CSMD3: variants seen among roughly 807,000 people sequenced by gnomAD.
The protein encoded by CSMD3 is CUB and Sushi multiple domains 3.
Under a neutral mutation model 435.2 loss-of-function variants are expected in CSMD3, and 177 were observed. The ratio of observed to expected loss-of-function variants is 0.41; its 90% CI spans 0.36 to 0.46. CSMD3 has a LOEUF of 0.46. CSMD3 is among the 20% of genes least tolerant of loss of function. The pLI is 0.34. For missense variants in CSMD3, 4,265 were observed against 4,504.6 expected (o/e 0.95, Z 1.52); for synonymous variants, 1,656 against 1,520.5 (o/e 1.09, Z -2.07).
chr8:112,689,860 G>T lies in CSMD3; in HGVS notation c.2155+8C>A, dbSNP rs2131823460. On this transcript the variant is annotated splice_region_variant and intron_variant, in intron 14 of 70. Coordinates refer to ENST00000297405, the MANE Select transcript of CSMD3 (RefSeq NM_198123.2). ...ATGCTATCTGGAAGCAAAGCATTTG[G>T]TACTCACAGATACAGATGGGTATGT... is the stretch of plus-strand genomic sequence containing the variant. The T allele has an allele frequency of 6.2e-7, 1 of 1,609,418 alleles. No individual in the cohort carries two copies. Among genetic ancestry groups the T allele is most frequent in the Non-Finnish European group, 8.5e-7 (1 of 1,175,980 alleles).
intron 7 of CSMD3, among the ~76,000 whole-genome samples, chr8:112,969,393 TTAAAC>T (rs1180381804): frequency 2.0e-5 from 3 of 152,002 alleles, no homozygotes; most frequent in South Asian, 2.1e-4. Flanking sequence ...TTAAAAACTG[TTAAAC>T]TAGAGTTTCT....
intron 3 of CSMD3, among the ~76,000 whole-genome samples, chr8:113,240,284 T>C (rs1217625684): frequency 6.6e-6 from 1 of 152,168 alleles, no homozygotes; most frequent in African/African-American, 2.4e-5. Context: ...TGATTCCATG[T>C]CTTTGCTGTT....
At chr8:113,180,020 T>C (rs1303742185) in intron 3 of CSMD3, among the ~76,000 whole-genome samples, 1 of 151,942 alleles carries the variant, frequency 6.6e-6, no homozygotes, top group African/African-American at 2.4e-5. Context: ...CAGAATTGCA[T>C]AATTATTCAG....
intron 14 of CSMD3, among the ~76,000 whole-genome samples, chr8:112,687,527 A>T (rs1338689085): frequency 2.0e-5 from 3 of 152,166 alleles, no homozygotes; most frequent in Admixed American, 6.6e-5. Flanking sequence ...TAACATTCAG[A>T]CATTATACCA....
intron 22 of CSMD3, among the ~76,000 whole-genome samples, chr8:112,607,941 A>G (rs550344169): frequency 6.6e-6 from 1 of 152,246 alleles, no homozygotes; most frequent in African/African-American, 2.4e-5. Context: ...CATAGCACTG[A>G]AAGTTCTAGC....
chr8:112,777,291 T>A (rs537896905), intron 13 of CSMD3, among the ~76,000 whole-genome samples: 4 of 152,000 alleles, frequency 2.6e-5, no homozygotes, highest in African/African-American at 9.6e-5. Context: ...GTAGTATGTT[T>A]AATGTAAATA....
intron 5 of CSMD3, among the ~76,000 whole-genome samples, chr8:113,052,438 A>G (rs1355928830): frequency 6.6e-6 from 1 of 152,208 alleles, no homozygotes; most frequent in African/African-American, 2.4e-5. Context: ...CAATTCTGCA[A>G]ATATGCTTAC....
chr8:113,049,913 G>T (rs929604573), intron 5 of CSMD3, among the ~76,000 whole-genome samples: 1 of 152,062 alleles, frequency 6.6e-6, no homozygotes, highest in African/African-American at 2.4e-5. Context: ...ATTGCAGAAT[G>T]TGTCTTATGG....
At position 112,682,519 on chromosome 8, in the gene CSMD3, G is replaced by A. The variant is rs764711881; in HGVS notation, c.2600C>T (p.Thr867Ile). The change falls in exon 16 of 71, where the codon ACC becomes ATC. Residue 867 changes from threonine (T) to isoleucine (I), a missense_variant. This residue lies in a region of CSMD3 where 279 missense variants were observed against 369.0 expected (regional missense o/e 0.76). Coordinates refer to ENST00000297405, the MANE Select transcript of CSMD3 (RefSeq NM_198123.2). ...ACATGTAATTGTTTCTGTTCCCTGG[G>A]TTTTAATAAATCCTTCTTCACAAAT... ...SVICEEGFIK[T>I]QGTETITCIL... is the part of the protein sequence containing the mutation. 6.2e-7 allele frequency: 1 copy of A among 1,613,512 alleles called. No homozygotes were observed. Among genetic ancestry groups the A allele is most frequent in the Admixed American group, 1.7e-5 (1 of 59,996 alleles).
chr8:112,764,703 C>T (rs1048320861), intron 13 of CSMD3, among the ~76,000 whole-genome samples: 1 of 151,542 alleles, frequency 6.6e-6, no homozygotes, highest in Non-Finnish European at 1.5e-5. Flanking sequence ...AATACATACT[C>T]ATTTTTTAAG....
intron 64 of CSMD3, among the ~76,000 whole-genome samples, chr8:112,245,757 C>T (rs919518628): frequency 2.6e-5 from 4 of 152,106 alleles, no homozygotes; most frequent in South Asian, 4.2e-4. Context: ...AGGCTGGTCT[C>T]GAACTCCTGA....
intron 4 of CSMD3, among the ~76,000 whole-genome samples, chr8:113,117,690 T>C (rs891693611): frequency 2.6e-5 from 4 of 152,282 alleles, no homozygotes; most frequent in South Asian, 2.1e-4. Context: ...AGAGGTGTTG[T>C]ACACTACAAA....
At chr8:113,348,249 T>G (rs1205840949) in intron 1 of CSMD3, among the ~76,000 whole-genome samples, 1 of 152,178 alleles carries the variant, frequency 6.6e-6, no homozygotes, top group Non-Finnish European at 1.5e-5. Flanking sequence ...TGACATGCAT[T>G]GTCTTCATAA....
intron 3 of CSMD3, among the ~76,000 whole-genome samples, chr8:113,233,807 A>C (rs1195001839): frequency 6.6e-6 from 1 of 152,060 alleles, no homozygotes; most frequent in Non-Finnish European, 1.5e-5. Context: ...TTTTTTACTA[A>C]GATTTTACTC....
intron 45 of CSMD3, among the ~76,000 whole-genome samples, chr8:112,330,131 G>A (rs1823894679): frequency 6.6e-6 from 1 of 152,110 alleles, no homozygotes; most frequent in South Asian, 2.1e-4. Context: ...TATAAAGCAT[G>A]TCCTTACATC....
chr8:113,329,161 A>G (rs1233319832), intron 1 of CSMD3, among the ~76,000 whole-genome samples: 1 of 151,726 alleles, frequency 6.6e-6, no homozygotes, highest in East Asian at 1.9e-4. Flanking sequence ...GACATATATG[A>G]CAAAGATTTT....
chr8:112,734,693 G>A (rs2077148564), intron 13 of CSMD3, among the ~76,000 whole-genome samples: 1 of 151,896 alleles, frequency 6.6e-6, no homozygotes, highest in South Asian at 2.1e-4. Context: ...TGCATGAACT[G>A]AAATTCCACT....
intron 23 of CSMD3, among the ~76,000 whole-genome samples, chr8:112,583,191 G>A (rs983535376): frequency 7.9e-5 from 12 of 152,014 alleles, no homozygotes; most frequent in African/African-American, 2.2e-4. Context: ...TATACAAAGT[G>A]TGAAAGAAAC....
At chr8:112,863,401 G>C (rs938967954) in intron 10 of CSMD3, among the ~76,000 whole-genome samples, 5 of 151,466 alleles carry the variant, frequency 3.3e-5, no homozygotes, top group African/African-American at 1.2e-4. Context: ...TATATTATTC[G>C]TCATGAACTG....
Sources: gnomAD v4.1 joint callset for allele counts (sites outside exome capture counted in the v4.1 genomes callset) on GRCh38, gnomAD v4.1.1 for gene constraint, gnomAD v4.1.1 regional missense constraint, MANE v1.5 for transcripts, NCBI Gene and HGNC (gene_info 2026-07-23, HGNC 2026-07-21) for gene names.